Variants in PCDHGB5 observed in about 807,000 individuals in gnomAD.
PCDHGB5 encodes protocadherin gamma-B5.
PCDHGB5 carries 48 observed loss-of-function variants against 62.9 expected under a neutral mutation model. The ratio of observed to expected loss-of-function variants is 0.76; its 90% confidence interval spans 0.61 to 0.97. The LOEUF is 0.97. Among genes scored for constraint, PCDHGB5 ranks in the 50% least tolerant of loss-of-function variants. The pLI, the probability that PCDHGB5 is intolerant of heterozygous loss-of-function variation, is 0.00. For missense variants in PCDHGB5, 1,118 were observed against 1,198.6 expected (o/e 0.93, Z 0.99); for synonymous variants, 474 against 511.2 (o/e 0.93, Z 0.98).
At position 141,399,372 on chromosome 5, in the gene PCDHGB5, T is replaced by A; in HGVS notation, c.1245T>A (p.Asn415Lys). The A allele has an allele frequency of 1.2e-6, 2 of 1,613,970 alleles. 1 individual carries two copies. The highest frequency in any genetic ancestry group is 2.2e-5 in the South Asian group (2 of 91,086). The change falls in exon 1 of 4, where the codon AAT (asparagine) becomes AAA (lysine). Residue 415 changes from asparagine (N) to lysine (K), a missense_variant. Physicochemically the swap from Asn to Lys is moderately conservative, Grantham distance 94. Around this residue, in one of 2 missense-constraint regions of PCDHGB5, gnomAD observed 1,034 missense variants for 1,029.1 expected, o/e 1.00. Transcript: ENST00000617380. Reference protein sequence around the residue: ...TLDREQTPEYNVTITATDRGK... With the variant: ...TLDREQTPEYKVTITATDRGK... ...ACCGAGAGCAAACCCCGGAGTACAATGTCACCATCACAGCCACAGACAGGG... is the reference window on the plus strand; with the variant it reads ...ACCGAGAGCAAACCCCGGAGTACAAAGTCACCATCACAGCCACAGACAGGG...
At chr5:141,438,985 A>G (rs1461265086) in intron 1 of PCDHGB5, among the ~76,000 whole-genome samples, 1 of 151,940 alleles carries the variant, frequency 6.6e-6, no homozygotes, top group Non-Finnish European at 1.5e-5. Context: ...ACTTATCTTA[A>G]AAGGCTAAGG....
intron 1 of PCDHGB5, among the ~76,000 whole-genome samples, chr5:141,466,351 A>G (rs897901821): frequency 6.6e-6 from 1 of 152,050 alleles, no homozygotes; most frequent in African/African-American, 2.4e-5. Context: ...TTTTGCAGCT[A>G]ATCTAGATGT....
chr5:141,422,977 G>A (rs1434523351), intron 1 of PCDHGB5: 1 of 1,614,110 alleles, frequency 6.2e-7, no homozygotes, highest in Non-Finnish European at 8.5e-7. Context: ...CCGCTCTGCG[G>A]AACCTGGCTA....
intron 1 of PCDHGB5, chr5:141,427,957 C>G (rs770633827): frequency 1.3e-5 from 20 of 1,588,284 alleles, no homozygotes; most frequent in African/African-American, 2.7e-5. Flanking sequence ...GACAATGTGC[C>G]GCGGGTGCTG....
At chr5:141,416,687 A>G (rs1283053610) in intron 1 of PCDHGB5, 1 of 152,270 alleles carries the variant, frequency 6.6e-6, no homozygotes, top group Non-Finnish European at 1.5e-5. Flanking sequence ...GGGAAATTAT[A>G]TAAACAAAGG....
intron 2 of PCDHGB5, among the ~76,000 whole-genome samples, chr5:141,505,177 A>T (rs917485235): frequency 6.6e-6 from 1 of 152,180 alleles, no homozygotes. Context: ...AAAAGAAAAA[A>T]GCATCGGAGG....
chr5:141,410,553 C>T, intron 1 of PCDHGB5: 1 of 1,613,232 alleles, frequency 6.2e-7, no homozygotes. Context: ...TGCAGTGTTT[C>T]TCCTGGAGCC....
chr5:141,442,720 T>C (rs941034636), intron 1 of PCDHGB5, among the ~76,000 whole-genome samples: 1 of 152,202 alleles, frequency 6.6e-6, no homozygotes, highest in Non-Finnish European at 1.5e-5. Flanking sequence ...GCCAGAGCAT[T>C]TGGGGCCTGT....
At chr5:141,430,947 G>T (rs1169662602) in intron 1 of PCDHGB5, 1 of 1,610,002 alleles carries the variant, frequency 6.2e-7, no homozygotes, top group Non-Finnish European at 8.5e-7. Flanking sequence ...GCGGAGCGCG[G>T]AGTCCGCATC....
chr5:141,427,129 T>A lies in PCDHGB5; in HGVS notation c.2397+26605T>A, dbSNP rs752552669. ...GAGATCACCTACTCTTTCAAATCCC[T>A]ACGAGATGATATTGGAAATATGTTT... On this transcript the variant is annotated intron_variant, in intron 1 of 3. Coordinates refer to ENST00000617380, the MANE Select transcript of PCDHGB5 (RefSeq NM_018925.3). 125 of 457,106 alleles carry A rather than the reference T, an allele frequency of 2.7e-4. 2 individuals are homozygous for A. Among genetic ancestry groups the A allele is most frequent in the Non-Finnish European group, 4.0e-5 (9 of 227,024 alleles). The allele number at this position is 457,106 out of a possible 1,614,324, so 28.3% of individuals were successfully genotyped here.
intron 1 of PCDHGB5, chr5:141,424,602 T>G (rs2154550827): frequency 6.6e-6 from 1 of 152,334 alleles, no homozygotes; most frequent in African/African-American, 2.4e-5. Flanking sequence ...GTCTACAGAT[T>G]TATTCAAATA....
rs1210691847 is a variant in PCDHGB5, at chr5:141,432,985, C to T, written c.2397+32461C>T. The stretch of plus-strand genomic sequence containing the variant: ...GAGCGCCGGCGTCGCACTTTGTGGG[C>T]GTGGACGGGGTGCAGGCTTTCCTGC... On this transcript the variant is annotated intron_variant, in intron 1 of 3. Transcript: ENST00000617380. The surrounding 1 kb of genome is among the most constrained non-coding windows in gnomAD (Gnocchi z 6.0). The T allele has an allele frequency of 3.1e-6, 5 of 1,614,176 alleles. No individual in the cohort carries two copies. The highest frequency in any genetic ancestry group is 4.2e-6 in the Non-Finnish European group (5 of 1,180,034).
rs751034521 is a variant in PCDHGB5, at chr5:141,405,112, C to A, written c.2397+4588C>A. ...TGGCCCTCAGGCTGAGGCACTGGCA[C>A]TCCTCGCATCTGCTGCGGGCTACCA... On this transcript the variant is annotated intron_variant, in intron 1 of 3. Coordinates refer to ENST00000617380, the MANE Select transcript of PCDHGB5 (RefSeq NM_018925.3). 4.5e-5 allele frequency: 73 copies of A among 1,613,868 alleles called. 1 individual carries two copies. The Middle Eastern group carries it at 5.9e-3, about 131-fold the overall frequency.
chr5:141,482,588 C>T (rs559327092), intron 1 of PCDHGB5, among the ~76,000 whole-genome samples: 3 of 147,192 alleles, frequency 2.0e-5, no homozygotes, highest in Admixed American at 6.8e-5. Context: ...GCAGTGGGAC[C>T]AAACGGGAAA....
chr5:141,432,035 G>C lies in PCDHGB5; in HGVS notation c.2397+31511G>C. 6 of 1,614,218 alleles carry C rather than the reference G, an allele frequency of 3.7e-6. No homozygotes were observed. Among genetic ancestry groups the C allele is most frequent in the Non-Finnish European group, 5.1e-6 (6 of 1,180,046 alleles). ...CTACAACATCACAGTGACCGCCACT[G>C]ACCGGGGAACCCCGCCCCTATCCAC... On this transcript the variant is annotated intron_variant, in intron 1 of 3. Coordinates refer to ENST00000617380, the MANE Select transcript of PCDHGB5 (RefSeq NM_018925.3). The surrounding 1 kb of genome is among the most constrained non-coding windows in gnomAD (Gnocchi z 6.0).
rs553587727 is a variant in PCDHGB5, at chr5:141,419,523, G to A, written c.2397+18999G>A. The A allele has an allele frequency of 2.1e-4, 343 of 1,612,204 alleles. 3 individuals are homozygous for A. The South Asian group carries it at 3.5e-3, about 17-fold the overall frequency. ...AGCCTGCGCGTGTTGGTGGGCGACC[G>A]TAACGACAACGCACCGCGGGTGCTG... On this transcript the variant is annotated intron_variant, in intron 1 of 3. Coordinates refer to ENST00000617380, the MANE Select transcript of PCDHGB5 (RefSeq NM_018925.3).
intron 1 of PCDHGB5, chr5:141,428,158 G>A: frequency 6.3e-7 from 1 of 1,577,728 alleles, no homozygotes; most frequent in Non-Finnish European, 8.7e-7. Context: ...GGAACCTGCT[G>A]GTTGCTGTGC....
intron 1 of PCDHGB5, among the ~76,000 whole-genome samples, chr5:141,463,896 T>C (rs982611169): frequency 2.0e-5 from 3 of 152,192 alleles, no homozygotes; most frequent in African/African-American, 7.2e-5. Flanking sequence ...CCTTGCTTTT[T>C]GTACTAATAA....
intron 1 of PCDHGB5, chr5:141,408,336 C>T: frequency 6.2e-7 from 1 of 1,613,910 alleles, no homozygotes; most frequent in Non-Finnish European, 8.5e-7. Flanking sequence ...GCCAAGGGCT[C>T]GGTGGTGGGG....
Sources: allele counts gnomAD v4.1 joint callset (sites outside exome capture counted in the v4.1 genomes callset), GRCh38; gene constraint gnomAD v4.1.1; regional missense constraint gnomAD v4.1.1; non-coding constraint Gnocchi (gnomAD v3.1); transcripts MANE v1.5; gene names NCBI Gene and HGNC (gene_info 2026-07-23, HGNC 2026-07-21).